FGF12: variants seen among roughly 807,000 people sequenced by gnomAD.
FGF12 encodes the protein fibroblast growth factor 12B.
Under a neutral mutation model 23.6 loss-of-function variants are expected in FGF12, and 14 were observed. That is an observed-to-expected ratio of 0.59 (90% CI 0.39 to 0.93). The LOEUF (loss-of-function observed/expected upper bound fraction) is 0.93. Among genes scored for constraint, FGF12 ranks in the 40% least tolerant of loss-of-function variants. FGF12 has a pLI of 0.00. For missense variants in FGF12, 175 were observed against 217.8 expected (o/e 0.80, Z 1.24); for synonymous variants, 62 against 77.3 (o/e 0.80, Z 1.04).
At chr3:192,183,757 A>C (rs1403458033) in intron 4 of FGF12, among the ~76,000 whole-genome samples, 1 of 152,224 alleles carries the variant, frequency 6.6e-6, no homozygotes, top group Non-Finnish European at 1.5e-5. Context: ...AGATGAAGAA[A>C]GCAAGGCTGA....
At chr3:192,365,705 C>T (rs1418070991) in intron 2 of FGF12, among the ~76,000 whole-genome samples, 2 of 152,092 alleles carry the variant, frequency 1.3e-5, no homozygotes, top group African/African-American at 2.4e-5. Flanking sequence ...ATACTGCTTC[C>T]CATCAGGATG....
chr3:192,637,153 G>A lies in FGF12; in HGVS notation c.13+90028C>T, dbSNP rs147448183. On this transcript the variant is annotated intron_variant, in intron 2 of 5. Transcript: ENST00000445105. ...TTGGATAAGGCAATGGAAATCTTGC[G>A]GAATGCTGACAATGCTTTTGGCTGG... Among the ~76,000 whole-genome samples the A allele has an allele frequency of 8.5e-3, 1,287 of 152,238 alleles. 20 individuals are homozygous for A. Among genetic ancestry groups the A allele is most frequent in the African/African-American group, 0.03 (1,248 of 41,520 alleles).
chr3:192,289,385 G>A (rs1186886038), intron 4 of FGF12, among the ~76,000 whole-genome samples: 1 of 152,118 alleles, frequency 6.6e-6, no homozygotes, highest in African/African-American at 2.4e-5. Context: ...TAACGTGACT[G>A]GTGATTTGGA....
intron 2 of FGF12, chr3:192,516,464 C>CTT (rs1724671900): frequency 6.6e-6 from 1 of 152,286 alleles, no homozygotes; most frequent in Non-Finnish European, 1.5e-5. Context: ...CACACCTGTT[C>CTT]TCTTTCTCTT....
intron 4 of FGF12, among the ~76,000 whole-genome samples, chr3:192,322,479 A>G (rs1716597903): frequency 6.8e-6 from 1 of 147,034 alleles, no homozygotes; most frequent in Non-Finnish European, 1.5e-5. Flanking sequence ...CCTAAAATTT[A>G]TAATTTATAT....
chr3:192,170,544 C>A lies in FGF12; in HGVS notation c.341G>T (p.Gly114Val). ...CATAATTTGACCTTCTTTATTGAGT[C>A]CCAGAAACCAAGCTCGGCCTGATTC... is the stretch of plus-strand genomic sequence containing the variant. ...QQESGRAWFLGLNKEGQIMKG... is the reference protein window; with the variant it reads ...QQESGRAWFLVLNKEGQIMKG... Residue 114 changes from glycine (G) to valine (V), a missense_variant, in exon 5 of 6, where the codon GGA (glycine) becomes GTA (valine). Physicochemically the swap from Gly to Val is moderately radical, Grantham distance 109 (BLOSUM62 -3). Coordinates refer to ENST00000445105, the MANE Select transcript of FGF12 (RefSeq NM_004113.6). 1.2e-6 allele frequency: 2 copies of A among 1,613,896 alleles called. No homozygotes were observed. The highest frequency in any genetic ancestry group is 1.7e-6 in the Non-Finnish European group (2 of 1,179,980).
intron 2 of FGF12, among the ~76,000 whole-genome samples, chr3:192,586,841 T>C (rs1266449626): frequency 1.3e-5 from 2 of 152,188 alleles, no homozygotes; most frequent in African/African-American, 4.8e-5. Flanking sequence ...TTTTACTCTT[T>C]AAAAAAATCA....
chr3:192,364,165 A>G (rs1268930149), intron 2 of FGF12, among the ~76,000 whole-genome samples: 1 of 152,228 alleles, frequency 6.6e-6, no homozygotes, highest in Non-Finnish European at 1.5e-5. Flanking sequence ...AGCCTGGTAT[A>G]GACAGAATAG....
intron 4 of FGF12, among the ~76,000 whole-genome samples, chr3:192,253,798 G>T (rs575794829): frequency 1.3e-5 from 2 of 152,070 alleles, no homozygotes; most frequent in South Asian, 2.1e-4. Context: ...CTTTAGAAAA[G>T]AAATGAATCA....
chr3:192,337,214 T>TATA (rs1226820404), intron 3 of FGF12, among the ~76,000 whole-genome samples: 1 of 152,136 alleles, frequency 6.6e-6, no homozygotes, highest in African/African-American at 2.4e-5. Flanking sequence ...TATATATATA[T>TATA]TCCCTATGTT....
intron 2 of FGF12, among the ~76,000 whole-genome samples, chr3:192,649,326 T>C (rs904940820): frequency 1.3e-5 from 2 of 152,114 alleles, no homozygotes; most frequent in African/African-American, 4.8e-5. Flanking sequence ...GTAATGTCTA[T>C]TCAATGGGCG....
intron 4 of FGF12, among the ~76,000 whole-genome samples, chr3:192,219,383 T>C (rs925268508): frequency 6.6e-6 from 1 of 151,286 alleles, no homozygotes; most frequent in Non-Finnish European, 1.5e-5. Flanking sequence ...CTGCGCCAGG[T>C]CATTTTAATT....
At position 192,379,548 on chromosome 3, in the gene FGF12, G is replaced by A. The variant is rs190154702; in HGVS notation, c.14-19010C>T. 3.3e-5 allele frequency among the ~76,000 whole-genome samples: 5 copies of A among 152,188 alleles called. No individual in the cohort carries two copies. The East Asian group carries it at 9.6e-4, about 29-fold the overall frequency. On this transcript the variant is annotated intron_variant, in intron 2 of 5. Transcript: ENST00000445105. Reference sequence around the variant, plus strand: ...CTAAAAGAGCTCTCAATCCTTTGGGGAATCTTTAACAAAGCAATAATATTT... The same window carrying A: ...CTAAAAGAGCTCTCAATCCTTTGGGAAATCTTTAACAAAGCAATAATATTT...
At chr3:192,429,526 C>T (rs1721788788) in intron 2 of FGF12, among the ~76,000 whole-genome samples, 1 of 152,132 alleles carries the variant, frequency 6.6e-6, no homozygotes, top group Non-Finnish European at 1.5e-5. Context: ...ACTACAAAAT[C>T]TCTCTGCTTT....
intron 4 of FGF12, among the ~76,000 whole-genome samples, chr3:192,317,592 A>C (rs1716296929): frequency 6.6e-6 from 1 of 152,018 alleles, no homozygotes; most frequent in South Asian, 2.1e-4. Flanking sequence ...CAAGATTCAT[A>C]AGGTTCTCAA....
At chr3:192,190,468 CTTTTT>C (rs34108891) in intron 4 of FGF12, among the ~76,000 whole-genome samples, 2 of 89,136 alleles carry the variant, frequency 2.2e-5, no homozygotes, top group South Asian at 9.1e-4. Flanking sequence ...GCCCAATACT[CTTTTT>C]TTTTTTTTTT....
rs1171402628 is a variant in FGF12, at chr3:192,427,089, T to C, written c.14-66551A>G. Among the ~76,000 whole-genome samples, 3 of 151,868 alleles carry C rather than the reference T, an allele frequency of 2.0e-5. No individual in the cohort carries two copies. In the East Asian group the frequency reaches 5.8e-4, roughly 29 times the overall value. Reference sequence around the variant, plus strand: ...TAACGTTTGTAGAGCACTATAAGAGTAGAAGAGTGTAGGCTGGGCATGGTG... The same window carrying C: ...TAACGTTTGTAGAGCACTATAAGAGCAGAAGAGTGTAGGCTGGGCATGGTG... On this transcript the variant is annotated intron_variant, in intron 2 of 5. Coordinates refer to ENST00000445105, the MANE Select transcript of FGF12 (RefSeq NM_004113.6).
chr3:192,591,385 A>G (rs965311595), intron 2 of FGF12, among the ~76,000 whole-genome samples: 15 of 151,776 alleles, frequency 9.9e-5, no homozygotes, highest in African/African-American at 3.4e-4. Flanking sequence ...TTAATGCCTT[A>G]AAACAGCTGC....
At chr3:192,289,436 T>C (rs985992456) in intron 4 of FGF12, among the ~76,000 whole-genome samples, 3 of 151,980 alleles carry the variant, frequency 2.0e-5, no homozygotes, top group African/African-American at 7.3e-5. Flanking sequence ...AAAAGGAAGG[T>C]AAGAATAAAA....
Sources: gnomAD v4.1 joint callset for allele counts (sites outside exome capture counted in the v4.1 genomes callset) on GRCh38, gnomAD v4.1.1 for gene constraint, MANE v1.5 for transcripts, NCBI Gene and HGNC (gene_info 2026-07-23, HGNC 2026-07-21) for gene names.